NIPBL: variants seen among roughly 807,000 people sequenced by gnomAD.
NIPBL encodes nipped-B-like protein.
NIPBL carries 19 observed loss-of-function variants against 321.8 expected under a neutral mutation model. The ratio of observed to expected loss-of-function variants is 0.06; its 90% confidence interval spans 0.04 to 0.09. The LOEUF (loss-of-function observed/expected upper bound fraction) is 0.09, where lower values mean the gene tolerates loss of function less well. NIPBL is among the 10% of genes least tolerant of loss of function. NIPBL has a pLI of 1.00. For synonymous variants in NIPBL, 1,106 were observed against 1,114.1 expected (o/e 0.99, Z 0.14); for missense variants, 2,210 against 3,327.0 (o/e 0.66, Z 8.26).
chr5:36,907,854 A>G (rs1265862854), intron 1 of NIPBL, among the ~76,000 whole-genome samples: 1 of 152,246 alleles, frequency 6.6e-6, no homozygotes, highest in African/African-American at 2.4e-5. Context: ...TGGACAAAGA[A>G]TAATTCACAC....
At chr5:37,022,201 C>CT (rs1241987765) in intron 28 of NIPBL, 43 bp from the exon 29 acceptor site, 1 of 1,612,860 alleles carries the variant, frequency 6.2e-7, no homozygotes, top group Non-Finnish European at 8.5e-7. Context: ...AATATTCACT[C>CT]TATTTAGGTA....
At chr5:37,043,141 A>G (rs1199907725) in intron 34 of NIPBL, among the ~76,000 whole-genome samples, 1 of 152,156 alleles carries the variant, frequency 6.6e-6, no homozygotes, top group Non-Finnish European at 1.5e-5. Context: ...CACACCTGTA[A>G]TCCCAGTACT....
At chr5:37,010,338 C>T (rs1454879635) in intron 21 of NIPBL, 113 bp downstream of exon 21, 19 of 896,010 alleles carry the variant, frequency 2.1e-5, no homozygotes, top group Non-Finnish European at 2.0e-5. Flanking sequence ...TTTTTTGAGA[C>T]GGAGTCTCGC....
rs1417214016 is a variant in NIPBL, at chr5:36,895,947, C to T, written c.-80+18769C>T. Among the ~76,000 whole-genome samples, 5 of 152,276 alleles carry T rather than the reference C, an allele frequency of 3.3e-5. No homozygotes were observed. In the East Asian group the frequency reaches 9.6e-4, roughly 29 times the overall value. On this transcript the variant is annotated intron_variant, in intron 1 of 46. Transcript: ENST00000282516. ...TTGATAGTGTCCTTTGAAGCACATA[C>T]ATTTTTAATTTTAAAGATCTCTATT...
chr5:37,057,987 T>C (rs1754280902), intron 43 of NIPBL, among the ~76,000 whole-genome samples: 1 of 152,234 alleles, frequency 6.6e-6, no homozygotes, highest in Admixed American at 6.5e-5. Context: ...TAAAATTGTA[T>C]TGCTCACAAC....
intron 1 of NIPBL, among the ~76,000 whole-genome samples, chr5:36,916,376 G>C (rs141102678): frequency 6.6e-6 from 1 of 152,206 alleles, no homozygotes; most frequent in South Asian, 2.1e-4. Flanking sequence ...CTGACTAAAA[G>C]TATCTCTTTG....
intron 1 of NIPBL, among the ~76,000 whole-genome samples, chr5:36,890,175 C>G (rs1017825688): frequency 1.3e-5 from 2 of 152,018 alleles, no homozygotes; most frequent in African/African-American, 2.4e-5. Context: ...TTTATTCATT[C>G]TATTCTTGCA....
chr5:37,000,851 G>A lies in NIPBL; in HGVS notation c.3537G>A (p.Lys1179=), dbSNP rs544459951. ...ARKMKKKEKQ[K]KRKAYEPKLT... ...AAATGAAGAAAAAAGAAAAACAGAA[G>A]AAAAGGAAAGCATATGAACCAAAAC... The change falls in exon 13 of 47, where the codon AAG becomes AAA. Residue 1179 remains lysine, a synonymous_variant. Coordinates refer to ENST00000282516, the MANE Select transcript of NIPBL (RefSeq NM_133433.4). 8.1e-6 allele frequency: 13 copies of A among 1,612,242 alleles called. No individual in the cohort carries two copies. The African/African-American group carries it at 1.6e-4, about 20-fold the overall frequency.
intron 1 of NIPBL, among the ~76,000 whole-genome samples, chr5:36,932,052 G>C (rs574167938): frequency 4.7e-4 from 72 of 152,116 alleles, no homozygotes; most frequent in African/African-American, 1.7e-3. Flanking sequence ...TTGACCCATT[G>C]ATTTTCTCAG....
At chr5:36,911,500 C>G (rs1748047268) in intron 1 of NIPBL, among the ~76,000 whole-genome samples, 1 of 152,092 alleles carries the variant, frequency 6.6e-6, no homozygotes, top group Non-Finnish European at 1.5e-5. Context: ...CTCTTCTGAT[C>G]TTACTTGAAT....
chr5:36,876,779 G>A lies in NIPBL; in HGVS notation c.-479G>A, dbSNP rs1745078660. 2.5e-6 allele frequency: 1 copy of A among 397,042 alleles called. No individual in the cohort carries two copies. The highest frequency in any genetic ancestry group is 2.1e-5 in the African/African-American group (1 of 48,602). The allele number at this position is 397,042 out of a possible 1,614,324, so 24.6% of individuals were successfully genotyped here. A position where few individuals can be genotyped will look rare whatever the true frequency, so the allele number is the denominator to read the frequency against. ...GCACTTCCGGTCGGCATTTTGTTCT[G>A]AGAGGGAGAGACGGAACGAGAGAGA... On this transcript the variant is annotated 5_prime_UTR_variant, in exon 1 of 47. Transcript: ENST00000282516.
intron 32 of NIPBL, among the ~76,000 whole-genome samples, chr5:37,035,934 T>TAAAAAAAG (rs1201063392): frequency 1.3e-5 from 2 of 152,194 alleles, no homozygotes; most frequent in African/African-American, 4.8e-5. Context: ...CAAAGGATAA[T>TAAAAAAAG]GCAGAAAAGA....
intron 1 of NIPBL, among the ~76,000 whole-genome samples, chr5:36,911,544 A>G (rs1024609063): frequency 5.9e-5 from 9 of 152,300 alleles, no homozygotes; most frequent in Middle Eastern, 6.8e-3. Flanking sequence ...TCTACATTGT[A>G]CTATAAATTA....
intron 4 of NIPBL, among the ~76,000 whole-genome samples, chr5:36,959,424 G>A (rs577544752): frequency 6.6e-5 from 10 of 152,260 alleles, no homozygotes; most frequent in African/African-American, 1.7e-4. Context: ...GCTTCTGACC[G>A]ACTTGCCTTT....
Position 37,017,088 on chromosome 5 carries a change from G to A in NIPBL, c.4846G>A (p.Val1616Ile). The change falls in exon 24 of 47, where the codon GTT becomes ATT. Residue 1616 changes from valine (V) to isoleucine (I), a missense_variant. Physicochemically the swap from Val to Ile is conservative, Grantham distance 29. This residue lies in a region of NIPBL where 28 missense variants were observed against 91.3 expected (regional missense o/e 0.31). Coordinates refer to ENST00000282516, the MANE Select transcript of NIPBL (RefSeq NM_133433.4). ...GGCATCTCTTGATTACCTTGGAACT[G>A]TTGCTGCACGGCTAAGAAAAGATGC... Reference protein sequence around the residue: ...RVASLDYLGTVAARLRKDAVT... With the variant: ...RVASLDYLGTIAARLRKDAVT... 6.2e-7 allele frequency: 1 copy of A among 1,612,920 alleles called. No individual in the cohort carries two copies. The highest frequency in any genetic ancestry group is 1.3e-5 in the African/African-American group (1 of 75,024).
chr5:37,037,683 C>T (rs546926140), intron 33 of NIPBL, among the ~76,000 whole-genome samples: 50 of 145,820 alleles, frequency 3.4e-4, no homozygotes, highest in Non-Finnish European at 5.1e-4. Context: ...CTCCTTGTTC[C>T]GTTTTTTTAT....
At chr5:36,909,735 G>A (rs1411544034) in intron 1 of NIPBL, among the ~76,000 whole-genome samples, 1 of 152,080 alleles carries the variant, frequency 6.6e-6, no homozygotes, top group East Asian at 1.9e-4. Context: ...AAGGAACCAG[G>A]ACTCTATATC....
chr5:36,963,307 A>G (rs770528884), intron 6 of NIPBL, among the ~76,000 whole-genome samples: 9 of 152,160 alleles, frequency 5.9e-5, no homozygotes, highest in Non-Finnish European at 1.3e-4. Flanking sequence ...TTCAGTCACT[A>G]GTTTCTACAT....
At chr5:36,925,763 CAT>C (rs1449170793) in intron 1 of NIPBL, among the ~76,000 whole-genome samples, 3 of 152,172 alleles carry the variant, frequency 2.0e-5, no homozygotes, top group Non-Finnish European at 4.4e-5. Flanking sequence ...GCTAAGAGAA[CAT>C]ATATCCATCC....
Sources: gnomAD v4.1 joint callset for allele counts (sites outside exome capture counted in the v4.1 genomes callset) on GRCh38, gnomAD v4.1.1 for gene constraint, gnomAD v4.1.1 regional missense constraint, MANE v1.5 for transcripts, NCBI Gene and HGNC (gene_info 2026-07-23, HGNC 2026-07-21) for gene names.